NCOA2: variants seen among roughly 807,000 people sequenced by gnomAD.
NCOA2 encodes the protein nuclear receptor coactivator 2.
In NCOA2, 21 loss-of-function variants were observed where a neutral mutation model predicts 145.1. The ratio of observed to expected loss-of-function variants is 0.14; its 90% confidence interval spans 0.10 to 0.21. NCOA2 has a LOEUF of 0.21. Among genes scored for constraint, NCOA2 ranks in the 10% least tolerant of loss-of-function variants. NCOA2 has a pLI of 1.00. For synonymous variants in NCOA2, 619 were observed against 637.5 expected (o/e 0.97, Z 0.44); for missense variants, 1,472 against 1,837.6 (o/e 0.80, Z 3.64).
At chr8:70,380,792 A>AT (rs1325755793) in intron 1 of NCOA2, among the ~76,000 whole-genome samples, 2 of 152,152 alleles carry the variant, frequency 1.3e-5, no homozygotes, top group Non-Finnish European at 2.9e-5. Flanking sequence ...AGAAAAAAAA[A>AT]GGCCTGTGGC....
At chr8:70,267,392 G>GTTTT (rs34028372) in intron 2 of NCOA2, among the ~76,000 whole-genome samples, 2 of 102,492 alleles carry the variant, frequency 2.0e-5, no homozygotes, top group Non-Finnish European at 4.0e-5. Context: ...TTTCCTTTCT[G>GTTTT]TTTTTTTTTT....
At chr8:70,157,358 G>T in intron 10 of NCOA2, 118 bp from the exon 11 acceptor site, 2 of 912,420 alleles carry the variant, frequency 2.2e-6, no homozygotes, top group Non-Finnish European at 3.2e-6. Flanking sequence ...ACATTTTAAG[G>T]ATAGATAATA....
intron 4 of NCOA2, among the ~76,000 whole-genome samples, chr8:70,184,474 G>C (rs906039625): frequency 6.6e-6 from 1 of 152,148 alleles, no homozygotes; most frequent in African/African-American, 2.4e-5. Flanking sequence ...CCCACGCAGA[G>C]TGCTGCGAGA....
At chr8:70,136,398 G>C (rs766511178) in intron 15 of NCOA2, among the ~76,000 whole-genome samples, 6 of 151,994 alleles carry the variant, frequency 3.9e-5, no homozygotes, top group Non-Finnish European at 7.4e-5. Context: ...ACCAAATTGT[G>C]AACTTAATGC....
At chr8:70,240,189 A>G (rs1298869310) in intron 2 of NCOA2, among the ~76,000 whole-genome samples, 1 of 152,152 alleles carries the variant, frequency 6.6e-6, no homozygotes, top group Non-Finnish European at 1.5e-5. Context: ...TGCTTCCACC[A>G]TTTACTAGCT....
In NCOA2 at chr8:70,156,093, C is replaced by T. The variant is rs749816141; in HGVS notation, c.2272G>A (p.Gly758Ser). ...AGTTTGGGGGTTATTTCTGGTAAAC[C>T]AATATCTTTAGTATCATCTTTATCT... ...LLDKDDTKDI[G>S]LPEITPKLER... Residue 758 changes from glycine (G) to serine (S), a missense_variant, in exon 11 of 23, where the codon GGT (glycine) becomes AGT (serine). Gly to Ser is a moderately conservative substitution (Grantham distance 56). Transcript: ENST00000452400. 1 of 1,613,874 alleles carries T rather than the reference C, an allele frequency of 6.2e-7. No individual in the cohort carries two copies. The highest frequency in any genetic ancestry group is 2.2e-5 in the East Asian group (1 of 44,880).
intron 11 of NCOA2, among the ~76,000 whole-genome samples, chr8:70,155,216 T>C (rs1812150123): frequency 6.6e-6 from 1 of 152,218 alleles, no homozygotes; most frequent in African/African-American, 2.4e-5. Flanking sequence ...CAATCTTTCT[T>C]TCTCCTTTCT....
At chr8:70,343,726 G>C (rs576101566) in intron 1 of NCOA2, among the ~76,000 whole-genome samples, 1 of 151,612 alleles carries the variant, frequency 6.6e-6, no homozygotes, top group Non-Finnish European at 1.5e-5. Flanking sequence ...CAGGAGAATC[G>C]CTTGAACCCG....
At chr8:70,433,093 A>G in the NCOA2 span, among the ~76,000 whole-genome samples, 1 of 152,190 alleles carries the variant, frequency 6.6e-6, no homozygotes, top group Non-Finnish European at 1.5e-5. Flanking sequence ...CAATTTCCTC[A>G]ATAAGTAAGT....
At chr8:70,403,224 G>A (rs958684087) in intron 1 of NCOA2, among the ~76,000 whole-genome samples, 1 of 151,352 alleles carries the variant, frequency 6.6e-6, no homozygotes, top group Non-Finnish European at 1.5e-5. Context: ...CGCTGCCCCC[G>A]AGGGGTTAGA....
chr8:70,129,775 A>T (rs1808880181), intron 16 of NCOA2, among the ~76,000 whole-genome samples: 1 of 151,966 alleles, frequency 6.6e-6, no homozygotes, highest in Non-Finnish European at 1.5e-5. Context: ...GGTTCAAGCA[A>T]TTCTCCTGCC....
Position 70,131,973 on chromosome 8 carries a change from A to C in NCOA2, c.3188T>G (p.Leu1063Trp). 6.2e-7 allele frequency: 1 copy of C among 1,612,598 alleles called. No homozygotes were observed. Among genetic ancestry groups the C allele is most frequent in the Non-Finnish European group, 8.5e-7 (1 of 1,179,390 alleles). The change falls in exon 16 of 23, where the codon TTG (leucine) becomes TGG (tryptophan). Residue 1063 changes from leucine (L) to tryptophan (W), a missense_variant. Leu to Trp is a moderately conservative substitution (Grantham distance 61). Coordinates refer to ENST00000452400, the MANE Select transcript of NCOA2 (RefSeq NM_006540.4). ...CTCAGCTGCAGGATGTGGACATAGC[A>C]AGTCATCTGGAGAACTGCCAAATGG... is the stretch of plus-strand genomic sequence containing the variant. ...RQPFGSSPDD[L>W]LCPHPAAESP...
At chr8:70,448,131 G>A in the NCOA2 span, among the ~76,000 whole-genome samples, 1 of 150,718 alleles carries the variant, frequency 6.6e-6, no homozygotes, top group South Asian at 2.1e-4. Context: ...AAAGTCTCCT[G>A]AACAAAGGGA....
intron 1 of NCOA2, among the ~76,000 whole-genome samples, chr8:70,319,832 T>C (rs1407959293): frequency 6.6e-6 from 1 of 152,210 alleles, no homozygotes; most frequent in Non-Finnish European, 1.5e-5. Context: ...TCCAAGCTTA[T>C]TGCAGAATAC....
intron 4 of NCOA2, among the ~76,000 whole-genome samples, chr8:70,190,938 A>G (rs2133242303): frequency 6.6e-6 from 1 of 152,280 alleles, no homozygotes; most frequent in South Asian, 2.1e-4. Context: ...CTAAAAATCA[A>G]GGATCATTTG....
At chr8:70,192,865 G>GTT (rs1816837797) in intron 4 of NCOA2, among the ~76,000 whole-genome samples, 1 of 151,906 alleles carries the variant, frequency 6.6e-6, no homozygotes, top group Non-Finnish European at 1.5e-5. Flanking sequence ...TCAGGAGTTC[G>GTT]AGACCAGCCT....
chr8:70,112,720 C>T lies in NCOA2; in HGVS notation c.*912G>A, dbSNP rs948621717. 10 of 206,724 alleles carry T rather than the reference C, an allele frequency of 4.8e-5. No individual in the cohort carries two copies. Among genetic ancestry groups the T allele is most frequent in the Non-Finnish European group, 9.9e-5 (10 of 101,372 alleles). The allele number at this position is 206,724 out of a possible 1,614,324, so 12.8% of individuals were successfully genotyped here. On this transcript the variant is annotated 3_prime_UTR_variant, in exon 23 of 23. Coordinates refer to ENST00000452400, the MANE Select transcript of NCOA2 (RefSeq NM_006540.4). ...ACATTTAAGGAAATAAAGGGCTTAC[C>T]TGGTTTCTGTAGCTTATATTATTTT...
At chr8:70,380,604 C>G (rs529800290) in intron 1 of NCOA2, among the ~76,000 whole-genome samples, 1 of 152,260 alleles carries the variant, frequency 6.6e-6, no homozygotes, top group African/African-American at 2.4e-5. Context: ...TTTCTCTCCC[C>G]TAGACTATAT....
At chr8:70,170,528 C>G in intron 5 of NCOA2, 149 bp from the exon 6 acceptor site, 1 of 662,046 alleles carries the variant, frequency 1.5e-6, no homozygotes, top group Admixed American at 3.8e-5. Context: ...TTTTCAGGAA[C>G]AATTAACACA....
Sources: gnomAD v4.1 joint callset for allele counts (sites outside exome capture counted in the v4.1 genomes callset) on GRCh38, gnomAD v4.1.1 for gene constraint, MANE v1.5 for transcripts, NCBI Gene and HGNC (gene_info 2026-07-23, HGNC 2026-07-21) for gene names.